Variants in KIF7 observed in about 807,000 individuals in gnomAD.
KIF7 encodes kinesin family member 7.
Under a neutral mutation model 135.7 loss-of-function variants are expected in KIF7, and 104 were observed. That is an observed-to-expected ratio of 0.77 (90% CI 0.65 to 0.90). The LOEUF (loss-of-function observed/expected upper bound fraction) is 0.90. KIF7 is among the 40% of genes least tolerant of loss of function. The probability of loss-of-function intolerance (pLI) is 0.00; values close to 1 mark genes in which losing one functional copy is unlikely to be tolerated. For synonymous variants in KIF7, 883 were observed against 809.4 expected, an observed-to-expected ratio of 1.09 and a Z score of -1.54; for missense variants, 2,005 against 1,839.1, an observed-to-expected ratio of 1.09 and a Z score of -1.65.
chr15:89,647,323 C>T (rs545794143), intron 6 of KIF7, among the ~76,000 whole-genome samples: 3 of 152,270 alleles, frequency 2.0e-5, no homozygotes, highest in Admixed American at 2.0e-4. Context: ...TGGTGACGCC[C>T]GGCTCCAAGG....
Position 89,633,008 on chromosome 15 carries a change from T to TAGGGAGGTAGGGAGGGAGGGAGGG in KIF7, c.2719-13_2719-12insCCCTCCCTCCCTCCCTACCTCCCT, listed in dbSNP as rs1963716139. On this transcript the variant is annotated splice_polypyrimidine_tract_variant and intron_variant, in intron 13 of 18. Coordinates refer to ENST00000394412, the MANE Select transcript of KIF7 (RefSeq NM_198525.3). The stretch of plus-strand genomic sequence containing the variant: ...TGCTCCTCAATCTTCTAAGGAAAAG[T>TAGGGAGGTAGGGAGGGAGGGAGGG]AGGGAGGGAGGGAGGGAACTCAGGG... The TAGGGAGGTAGGGAGGGAGGGAGGG allele has an allele frequency of 9.4e-7, 1 of 1,062,830 alleles. No homozygotes were observed. The highest frequency in any genetic ancestry group is 2.5e-5 in the East Asian group (1 of 39,578). The allele number at this position is 1,062,830 out of a possible 1,614,324, so 65.8% of individuals were successfully genotyped here. A position where few individuals can be genotyped will look rare whatever the true frequency, so the allele number is the denominator to read the frequency against.
Position 89,645,469 on chromosome 15 carries a change from G to A in KIF7, c.1923-18C>T, listed in dbSNP as rs1963995556. 1 of 1,589,362 alleles carries A rather than the reference G, an allele frequency of 6.3e-7. No homozygotes were observed. Among genetic ancestry groups the A allele is most frequent in the Non-Finnish European group, 8.6e-7 (1 of 1,163,480 alleles). ...TCCTATTTCTGGAGGACAGAAGCAG[G>A]AGGCCATGCTCCTCCCCAGCCCCTG... On this transcript the variant is annotated intron_variant, in intron 8 of 18. Transcript: ENST00000394412.
Position 89,621,443 on chromosome 15 carries a change from C to T in KIF7, c.181-3248G>A, listed in dbSNP as rs56673030. 3.1e-6 allele frequency: 5 copies of T among 1,613,964 alleles called. No individual in the cohort carries two copies. The East Asian group carries it at 1.1e-4, about 36-fold the overall frequency. ...AAGTATTCGGTCTCCCAAGAGTCTT[C>T]TTTTTGGGGCAATGTCTGAGATGAT... On this transcript the variant is annotated intron_variant and NMD_transcript_variant, in intron 1 of 2. Coordinates refer to the KIF7 transcript ENST00000558928.
At chr15:89,623,615 C>G (rs749187245), downstream of KIF7, 7 of 1,592,988 alleles carry the variant, frequency 4.4e-6, no homozygotes, top group South Asian at 2.3e-5. Context: ...AAGCATTTCT[C>G]TTTTCAGACT....
At chr15:89,658,094 G>T (rs557462982), upstream of KIF7, among the ~76,000 whole-genome samples, 16 of 152,226 alleles carry the variant, frequency 1.1e-4, no homozygotes, top group Non-Finnish European at 2.2e-4. Context: ...ATCAGTAAAT[G>T]AGAAGTTTCC....
chr15:89,629,280 G>A, intron 17 of KIF7, 95 bp downstream of exon 17: 1 of 1,171,002 alleles, frequency 8.5e-7, no homozygotes, highest in Non-Finnish European at 1.2e-6. Flanking sequence ...AGTGGCAGGG[G>A]CGGTGGGGGG....
In KIF7 at chr15:89,649,829, T is replaced by G. The variant is rs1596079289; in HGVS notation, c.441A>C (p.Glu147Asp). The part of the protein sequence containing the change: ...LDCLVHVSYL[E>D]VYKEEFRDLL... ...GGTCTCGGAACTCCTCCTTGTACAC[T>G]TCCAGGTAGGACACATGTACCAGAC... is the stretch of plus-strand genomic sequence containing the variant. Residue 147 changes from glutamate (E) to aspartate (D), a missense_variant, in exon 3 of 19, where the codon GAA (glutamate) becomes GAC (aspartate). Physicochemically the swap from Glu to Asp is conservative, Grantham distance 45. Coordinates refer to ENST00000394412, the MANE Select transcript of KIF7 (RefSeq NM_198525.3). 2 of 1,551,686 alleles carry G rather than the reference T, an allele frequency of 1.3e-6. No homozygotes were observed. The highest frequency in any genetic ancestry group is 2.4e-5 in the South Asian group (2 of 84,072).
chr15:89,657,377 T>C (rs1442240813), upstream of KIF7, among the ~76,000 whole-genome samples: 1 of 151,606 alleles, frequency 6.6e-6, no homozygotes, highest in Admixed American at 6.6e-5. Flanking sequence ...AGTAATTAAA[T>C]TGTAGAGAAA....
Position 89,648,890 on chromosome 15 carries a change from C to T in KIF7, c.923+84G>A, listed in dbSNP as rs572430611. On this transcript the variant is annotated intron_variant, in intron 4 of 18. Coordinates refer to ENST00000394412, the MANE Select transcript of KIF7 (RefSeq NM_198525.3). The stretch of plus-strand genomic sequence containing the variant: ...CCCGTGGGCTGGAGACCTCAGGGGA[C>T]CTGGGCTTCCACCCCCACTGGTGTG... The T allele has an allele frequency of 2.5e-5, 37 of 1,462,222 alleles. No homozygotes were observed. In the East Asian group the frequency reaches 9.2e-4, roughly 36 times the overall value. 90.6% of individuals were successfully genotyped at this position (1,462,222 alleles called of 1,614,324 possible).
chr15:89,642,039 C>T (rs917693702), intron 11 of KIF7, among the ~76,000 whole-genome samples, 164 bp downstream of exon 11: 1 of 152,078 alleles, frequency 6.6e-6, no homozygotes, highest in Non-Finnish European at 1.5e-5. Context: ...TAAAGCTGGG[C>T]GGACCCCCAG....
At chr15:89,647,249 C>T (rs1348385961) in intron 6 of KIF7, among the ~76,000 whole-genome samples, 192 bp from the exon 7 acceptor site, 2 of 152,170 alleles carry the variant, frequency 1.3e-5, no homozygotes, top group African/African-American at 4.8e-5. Context: ...CCATCACACT[C>T]CTATCCTGCC....
intron 10 of KIF7, 40 bp downstream of exon 10, chr15:89,644,973 C>A: frequency 1.2e-6 from 2 of 1,603,608 alleles, no homozygotes; most frequent in South Asian, 2.2e-5. Context: ...GATGAGAAGT[C>A]CCCCTCGGGT....
At chr15:89,659,628 A>C (rs147994741), upstream of KIF7, among the ~76,000 whole-genome samples, 1 of 152,320 alleles carries the variant, frequency 6.6e-6, no homozygotes, top group Non-Finnish European at 1.5e-5. Flanking sequence ...ATCATTGCTA[A>C]TCAGGGAATT....
At chr15:89,619,270 G>C (rs980185152) in intron 1 of KIF7, among the ~76,000 whole-genome samples, 9 of 124,630 alleles carry the variant, frequency 7.2e-5, no homozygotes, top group African/African-American at 2.8e-4. Context: ...CTGTCGCCCA[G>C]GCTGGAGTGC....
rs1166900434 is a variant in KIF7, at chr15:89,631,665, G to A, written c.2941C>T (p.Leu981=). ...CTCTTCTCGGACAGCTCCTTCTCCA[G>A]GTGCTCCAGCCGGCTGGACACTCGC... ...IVRVSSRLEH[L]EKELSEKSGQ... Residue 981 remains leucine (L), a synonymous_variant, in exon 15 of 19, where the codon CTG becomes TTG. Coordinates refer to ENST00000394412, the MANE Select transcript of KIF7 (RefSeq NM_198525.3). 1.3e-6 allele frequency: 2 copies of A among 1,560,222 alleles called. No individual in the cohort carries two copies. The highest frequency in any genetic ancestry group is 3.8e-5 in the Admixed American group (2 of 53,238).
At chr15:89,660,062 GT>G (rs1473581384), upstream of KIF7, among the ~76,000 whole-genome samples, 2 of 152,170 alleles carry the variant, frequency 1.3e-5, no homozygotes, top group Non-Finnish European at 2.9e-5. Flanking sequence ...GCCTGGCGTG[GT>G]GGCGAGCGCC....
chr15:89,659,048 G>T (rs1370888462), upstream of KIF7, among the ~76,000 whole-genome samples: 1 of 151,944 alleles, frequency 6.6e-6, no homozygotes, highest in Admixed American at 6.6e-5. Context: ...ACTCAAAACT[G>T]CAAACCACGA....
rs997256398 is a variant in KIF7, at chr15:89,629,113, C to A, written c.3527G>T (p.Gly1176Val). The change falls in exon 18 of 19, where the codon GGT becomes GTT. Residue 1176 changes from glycine to valine, a missense_variant. Gly to Val is a moderately radical substitution (Grantham distance 109). Coordinates refer to ENST00000394412, the MANE Select transcript of KIF7 (RefSeq NM_198525.3). ...CCTCCTGCTGTCTGCTAACCCTTCACCGAGGTGGTCTAGAGTGGAAAGGTC... is the reference window on the plus strand; with the variant it reads ...CCTCCTGCTGTCTGCTAACCCTTCAACGAGGTGGTCTAGAGTGGAAAGGTC... ...LLLQQSRDHL[G>V]EGLADSRRQY... 1.9e-6 allele frequency: 3 copies of A among 1,612,272 alleles called. No individual in the cohort carries two copies. The highest frequency in any genetic ancestry group is 2.2e-5 in the East Asian group (1 of 44,770).
In KIF7 at chr15:89,631,726, C is replaced by G. The variant is rs1433597292; in HGVS notation, c.2896-16G>C. On this transcript the variant is annotated splice_polypyrimidine_tract_variant and intron_variant, in intron 14 of 18. Coordinates refer to ENST00000394412, the MANE Select transcript of KIF7 (RefSeq NM_198525.3). ...CGTTGAGGGCCTGGGGGCAGAATCA[C>G]CAGGGATTAGAGAAGGAACAGGCAC... 1 of 1,544,566 alleles carries G rather than the reference C, an allele frequency of 6.5e-7. No individual in the cohort carries two copies. The highest frequency in any genetic ancestry group is 2.0e-5 in the Admixed American group (1 of 50,780).
Sources: gnomAD v4.1 joint callset for allele counts (sites outside exome capture counted in the v4.1 genomes callset) on GRCh38, gnomAD v4.1.1 for gene constraint, MANE v1.5 for transcripts, NCBI Gene and HGNC (gene_info 2026-07-23, HGNC 2026-07-21) for gene names.